Variants in ANAPC7 observed in about 807,000 individuals in gnomAD.
The protein encoded by ANAPC7 is anaphase promoting complex subunit 7.
A neutral mutation model predicts 63.3 loss-of-function variants in ANAPC7; 25 were observed. The observed-to-expected ratio is 0.39, with a 90% CI of 0.29 to 0.55. The LOEUF (loss-of-function observed/expected upper bound fraction) is 0.55. Ranked by LOEUF, ANAPC7 falls within the 20% of genes least tolerant of loss-of-function variation. The pLI, the probability that ANAPC7 is intolerant of heterozygous loss-of-function variation, is 0.57. For missense variants in ANAPC7, 516 were observed against 691.7 expected, an observed-to-expected ratio of 0.75 and a Z score of 2.85; for synonymous variants, 241 against 251.7, an observed-to-expected ratio of 0.96 and a Z score of 0.40.
intron 4 of ANAPC7, 121 bp from the exon 5 acceptor site, chr12:110,388,013 G>A (rs1566270151): frequency 9.9e-7 from 1 of 1,005,048 alleles, no homozygotes; most frequent in African/African-American, 1.6e-5. Flanking sequence ...TCTGAGCGAT[G>A]CATGAGAGAA....
At chr12:110,392,829 C>G (rs1018898577) in intron 3 of ANAPC7, among the ~76,000 whole-genome samples, 22 of 152,026 alleles carry the variant, frequency 1.4e-4, no homozygotes, top group African/African-American at 5.3e-4. Flanking sequence ...GAGTTTCACT[C>G]TTGTTGCCCA....
Position 110,394,427 on chromosome 12 carries a change from G to A in ANAPC7, c.408+674C>T, listed in dbSNP as rs1231720520. Among the ~76,000 whole-genome samples, 4 of 151,718 alleles carry A rather than the reference G, an allele frequency of 2.6e-5. No individual in the cohort carries two copies. In the East Asian group the frequency reaches 5.9e-4, roughly 22 times the overall value. On this transcript the variant is annotated intron_variant, in intron 3 of 10. Coordinates refer to ENST00000455511, the MANE Select transcript of ANAPC7 (RefSeq NM_016238.3). ...GGATCACCTGAGGTCAGGAGTTCAA[G>A]ACCAGCCTGGCCAACATGGCAAAAC... is the stretch of plus-strand genomic sequence containing the variant.
At chr12:110,395,569 T>C (rs1312370657) in intron 2 of ANAPC7, among the ~76,000 whole-genome samples, 1 of 151,812 alleles carries the variant, frequency 6.6e-6, no homozygotes, top group East Asian at 1.9e-4. Flanking sequence ...GGATTACAGG[T>C]GTGAGCCACT....
intron 1 of ANAPC7, among the ~76,000 whole-genome samples, chr12:110,396,881 A>C (rs1454280506): frequency 2.6e-5 from 4 of 152,002 alleles, no homozygotes; most frequent in Non-Finnish European, 4.4e-5. Context: ...AGTACAGAGA[A>C]ACCTCACCAC....
At chr12:110,395,053 G>C (rs761763728) in intron 3 of ANAPC7, 48 bp downstream of exon 3, 144 of 1,577,810 alleles carry the variant, frequency 9.1e-5, no homozygotes, top group Non-Finnish European at 1.1e-4. Context: ...GAGAGAGGGA[G>C]CAGGGTTAGG....
Position 110,381,732 on chromosome 12 carries a change from A to AC in ANAPC7, c.1132+19dup. 1 of 1,609,502 alleles carries AC rather than the reference A, an allele frequency of 6.2e-7. No homozygotes were observed. The highest frequency in any genetic ancestry group is 8.5e-7 in the Non-Finnish European group (1 of 1,178,890). On this transcript the variant is annotated intron_variant, in intron 8 of 10. Coordinates refer to ENST00000455511, the MANE Select transcript of ANAPC7 (RefSeq NM_016238.3). ...CCACACCCACGGATTCACACCATTC[A>AC]CCTATGTTTTCTTTCTTACCTTCAT...
chr12:110,378,692 T>C (rs1183354745), intron 8 of ANAPC7: 1 of 152,118 alleles, frequency 6.6e-6, no homozygotes, highest in Non-Finnish European at 1.5e-5. Flanking sequence ...AATAACTTTT[T>C]GGCACAAAGT....
chr12:110,386,436 G>A lies in ANAPC7; in HGVS notation c.708C>T (p.Asn236=), dbSNP rs773688790. 19 of 1,613,110 alleles carry A rather than the reference G, an allele frequency of 1.2e-5. No individual in the cohort carries two copies. The highest frequency in any genetic ancestry group is 1.5e-5 in the Non-Finnish European group (18 of 1,179,726). ...CTGCCAAGCTTCCCAATAGGTCCACGTTATCTCGCAATAAGGATTTTTTCT... is the reference window on the plus strand; with the variant it reads ...CTGCCAAGCTTCCCAATAGGTCCACATTATCTCGCAATAAGGATTTTTTCT... ...SLEKKSLLRD[N]VDLLGSLADL... The change falls in exon 6 of 11, where the codon AAC becomes AAT. Residue 236 remains asparagine, a synonymous_variant. Transcript: ENST00000455511.
At chr12:110,395,316 TTC>T in intron 2 of ANAPC7, 96 bp from the exon 3 acceptor site, 2 of 1,270,606 alleles carry the variant, frequency 1.6e-6, no homozygotes, top group Non-Finnish European at 2.1e-6. Flanking sequence ...GACCCAGCAA[TTC>T]TTTTTTTTTT....
chr12:110,387,345 G>GAGAGAC (rs1882654043), intron 5 of ANAPC7: 1 of 109,374 alleles, frequency 9.1e-6, no homozygotes, highest in Non-Finnish European at 1.8e-5. Flanking sequence ...GGCAGAGAGA[G>GAGAGAC]AGAGAGACAG....
Position 110,395,191 on chromosome 12 carries a change from G to A in ANAPC7, c.318C>T (p.Tyr106=), listed in dbSNP as rs748604434. 4 of 1,612,250 alleles carry A rather than the reference G, an allele frequency of 2.5e-6. No homozygotes were observed. The highest frequency in any genetic ancestry group is 2.5e-6 in the Non-Finnish European group (3 of 1,179,290). The change falls in exon 3 of 11, where the codon TAC becomes TAT. Residue 106 remains tyrosine, a synonymous_variant. Coordinates refer to ENST00000455511, the MANE Select transcript of ANAPC7 (RefSeq NM_016238.3). The part of the protein sequence containing the change: ...QCLPSEIEVK[Y]KMAECYTMLK... ...GCATTGTATAACATTCAGCCATTTT[G>A]TATTTCACTTCAATTTCAGATGGAA...
intron 1 of ANAPC7, among the ~76,000 whole-genome samples, chr12:110,400,920 C>T (rs1340477786): frequency 2.7e-5 from 4 of 150,456 alleles, no homozygotes; most frequent in Admixed American, 6.6e-5. Flanking sequence ...CGTGGTGGTG[C>T]GAATCTGTAA....
chr12:110,394,834 A>C (rs1883431682), intron 3 of ANAPC7, among the ~76,000 whole-genome samples: 2 of 152,028 alleles, frequency 1.3e-5, no homozygotes, highest in South Asian at 4.2e-4. Context: ...TGACAGTGAG[A>C]CTCTGTCTCA....
At chr12:110,375,918 C>T in intron 10 of ANAPC7, 148 bp downstream of exon 10, 1 of 1,300,242 alleles carries the variant, frequency 7.7e-7, no homozygotes, top group Non-Finnish European at 9.8e-7. Context: ...GTCATGAATT[C>T]ACAAATAACT....
Position 110,387,821 on chromosome 12 carries a change from T to G in ANAPC7, c.592A>C (p.Asn198His), listed in dbSNP as rs150897727. ...ATCCACACAGAGAGCCAGTCCAAGT[T>G]AGGCACGGTTTGGATCACATTCATT... Reference protein sequence around the residue: ...MTMNVIQTVPNLDWLSVWIKA... With the variant: ...MTMNVIQTVPHLDWLSVWIKA... The change falls in exon 5 of 11, where the codon AAC (asparagine) becomes CAC (histidine). Residue 198 changes from asparagine (N) to histidine (H), a missense_variant. Asn to His is a moderately conservative substitution (Grantham distance 68, BLOSUM62 1). Around this residue, in one of 4 missense-constraint regions of ANAPC7, gnomAD observed 199 missense variants for 249.3 expected, o/e 0.80. Coordinates refer to ENST00000455511, the MANE Select transcript of ANAPC7 (RefSeq NM_016238.3). 1.2e-6 allele frequency: 2 copies of G among 1,614,176 alleles called. No individual in the cohort carries two copies. Among genetic ancestry groups the G allele is most frequent in the South Asian group, 1.1e-5 (1 of 91,082 alleles).
At chr12:110,379,450 G>A (rs977646907) in intron 8 of ANAPC7, among the ~76,000 whole-genome samples, 1 of 152,184 alleles carries the variant, frequency 6.6e-6, no homozygotes, top group Admixed American at 6.6e-5. Context: ...ATTATAGGAC[G>A]GACTATTCAA....
At chr12:110,392,924 T>C (rs1200145425) in intron 3 of ANAPC7, among the ~76,000 whole-genome samples, 1 of 152,096 alleles carries the variant, frequency 6.6e-6, no homozygotes, top group Non-Finnish European at 1.5e-5. Context: ...GCCTCCAGAG[T>C]AGCTGAGATT....
At chr12:110,401,389 TGC>T (rs1395034796) in intron 1 of ANAPC7, among the ~76,000 whole-genome samples, 1 of 152,156 alleles carries the variant, frequency 6.6e-6, no homozygotes, top group Non-Finnish European at 1.5e-5. Context: ...GAGTGCTTAT[TGC>T]GCACAGCCAC....
chr12:110,374,892 G>C (rs188841046), intron 10 of ANAPC7, among the ~76,000 whole-genome samples: 43 of 152,214 alleles, frequency 2.8e-4, no homozygotes, highest in Middle Eastern at 3.4e-3. Flanking sequence ...TTCACATTTA[G>C]CAGCTGAGTG....
Sources: gnomAD v4.1 joint callset for allele counts (sites outside exome capture counted in the v4.1 genomes callset) on GRCh38, gnomAD v4.1.1 for gene constraint, gnomAD v4.1.1 regional missense constraint, MANE v1.5 for transcripts, NCBI Gene and HGNC (gene_info 2026-07-23, HGNC 2026-07-21) for gene names.